PTPRN2: variants seen among roughly 807,000 people sequenced by gnomAD.
PTPRN2 encodes protein tyrosine phosphatase receptor type N2.
PTPRN2 carries 74 observed loss-of-function variants against 118.8 expected under a neutral mutation model. The observed-to-expected ratio is 0.62, with a 90% CI of 0.52 to 0.76. The LOEUF (loss-of-function observed/expected upper bound fraction) is 0.76, where lower values mean the gene tolerates loss of function less well. PTPRN2 is among the 30% of genes least tolerant of loss of function. The probability of loss-of-function intolerance (pLI) is 0.00; values close to 1 mark genes in which losing one functional copy is unlikely to be tolerated. For synonymous variants in PTPRN2, 641 were observed against 608.0 expected, an observed-to-expected ratio of 1.05 and a Z score of -0.80; for missense variants, 1,481 against 1,394.4, an observed-to-expected ratio of 1.06 and a Z score of -0.99.
At chr7:157,943,106 G>A (rs1585059518) in intron 11 of PTPRN2, among the ~76,000 whole-genome samples, 1 of 152,266 alleles carries the variant, frequency 6.6e-6, no homozygotes, top group East Asian at 1.9e-4. Context: ...CATAACTGTA[G>A]CTACCACTAT....
At chr7:157,905,205 C>T (rs542944411) in intron 11 of PTPRN2, among the ~76,000 whole-genome samples, 51 of 152,302 alleles carry the variant, frequency 3.3e-4, no homozygotes, top group African/African-American at 1.1e-3. Flanking sequence ...TCTCAGTGTC[C>T]TTTTGTTCCT....
chr7:158,070,610 CTGG>C (rs1811227943), intron 11 of PTPRN2, among the ~76,000 whole-genome samples: 2 of 93,816 alleles, frequency 2.1e-5, no homozygotes, highest in Non-Finnish European at 2.0e-5. Context: ...GGAGGTGCTC[CTGG>C]TGGTGGAGGT....
intron 12 of PTPRN2, among the ~76,000 whole-genome samples, chr7:157,873,820 C>T (rs1584925670): frequency 6.6e-6 from 1 of 152,198 alleles, no homozygotes; most frequent in African/African-American, 2.4e-5. Flanking sequence ...CACAGGTCAG[C>T]AGGGGGCACC....
chr7:157,976,362 T>A lies in PTPRN2; in HGVS notation c.1724-77625A>T, dbSNP rs546555795. Reference sequence around the variant, plus strand: ...CCTGTGTTGGGCATTCTCCTGCTCCTAGCACCGGCTGGCACTCTCCTCTGT... The same window carrying A: ...CCTGTGTTGGGCATTCTCCTGCTCCAAGCACCGGCTGGCACTCTCCTCTGT... On this transcript the variant is annotated intron_variant, in intron 11 of 22. Transcript: ENST00000389418. Among the ~76,000 whole-genome samples the A allele has an allele frequency of 2.8e-3, 429 of 152,320 alleles. 3 individuals are homozygous for A. Among genetic ancestry groups the A allele is most frequent in the Non-Finnish European group, 3.5e-3 (235 of 68,030 alleles).
intron 15 of PTPRN2, among the ~76,000 whole-genome samples, chr7:157,620,722 T>C (rs1172628716): frequency 6.6e-6 from 1 of 152,168 alleles, no homozygotes; most frequent in Non-Finnish European, 1.5e-5. Flanking sequence ...CACTGGTTCC[T>C]TGTTGGTTGG....
In PTPRN2 at chr7:157,725,346, T is replaced by C. The variant is rs183209379; in HGVS notation, c.1789-42409A>G. On this transcript the variant is annotated intron_variant, in intron 12 of 22. Transcript: ENST00000389418. ...CCTCGCCTCCCAGGAGAACTGGATA[T>C]CTACACACAGAGGAGTGTGGCCAGA... Among the ~76,000 whole-genome samples the C allele has an allele frequency of 3.3e-3, 142 of 42,726 alleles. 7 individuals are homozygous for C. The highest frequency in any genetic ancestry group is 0.01 in the African/African-American group (83 of 8,120). The allele number at this position is 42,726 out of a possible 152,430, so 28.0% of individuals were successfully genotyped here. A position where few individuals can be genotyped will look rare whatever the true frequency, so the allele number is the denominator to read the frequency against.
intron 11 of PTPRN2, among the ~76,000 whole-genome samples, chr7:157,919,912 C>T (rs1798607487): frequency 6.6e-6 from 1 of 152,196 alleles, no homozygotes; most frequent in Admixed American, 6.5e-5. Flanking sequence ...CAAAGCATTA[C>T]CTTTTCTATG....
At chr7:158,461,064 A>G (rs574794164) in intron 2 of PTPRN2, among the ~76,000 whole-genome samples, 2 of 152,360 alleles carry the variant, frequency 1.3e-5, no homozygotes, top group South Asian at 4.1e-4. Context: ...CTTCCTTTCT[A>G]CTATGGAGGA....
intron 1 of PTPRN2, among the ~76,000 whole-genome samples, chr7:158,516,003 C>T (rs961780412): frequency 6.6e-6 from 1 of 152,172 alleles, no homozygotes; most frequent in African/African-American, 2.4e-5. Context: ...TTCACTGTCC[C>T]CCTCCCCACC....
At position 158,191,266 on chromosome 7, in the gene PTPRN2, G is replaced by A. The variant is rs536837044; in HGVS notation, c.549+1061C>T. Among the ~76,000 whole-genome samples the A allele has an allele frequency of 1.4e-4, 22 of 152,326 alleles. No individual in the cohort carries two copies. In the South Asian group the frequency reaches 4.3e-3, roughly 30 times the overall value. The stretch of plus-strand genomic sequence containing the variant: ...ACATATCCCAGGGCCACAGCTCCTG[G>A]TGAGACCCCAGTGGAGTCCAAGAGG... On this transcript the variant is annotated intron_variant, in intron 5 of 22. Coordinates refer to ENST00000389418, the MANE Select transcript of PTPRN2 (RefSeq NM_002847.5).
Position 157,615,022 on chromosome 7 carries a change from C to T in PTPRN2, c.2344+6340G>A, listed in dbSNP as rs1319184797. 6.6e-6 allele frequency among the ~76,000 whole-genome samples: 1 copy of T among 152,150 alleles called. No homozygotes were observed. Among genetic ancestry groups the T allele is most frequent in the Non-Finnish European group, 1.5e-5 (1 of 68,034 alleles). On this transcript the variant is annotated intron_variant, in intron 15 of 22. Transcript: ENST00000389418. The surrounding 1 kb of genome is among the most constrained non-coding windows in gnomAD (Gnocchi z 4.3). ...GGGCTGCAGCTACCTAGGAGAAGGC[C>T]CTTGTATTTAGGACCTGCAGGCAGG...
intron 10 of PTPRN2, among the ~76,000 whole-genome samples, chr7:158,101,088 A>C (rs1239518740): frequency 6.6e-6 from 1 of 152,236 alleles, no homozygotes; most frequent in Non-Finnish European, 1.5e-5. Flanking sequence ...CAAAAAGAAC[A>C]ACCTGGAGGC....
intron 12 of PTPRN2, among the ~76,000 whole-genome samples, chr7:157,852,179 T>C (rs555687731): frequency 1.3e-5 from 2 of 152,366 alleles, no homozygotes; most frequent in East Asian, 3.9e-4. Flanking sequence ...ATGTGGGAAT[T>C]ATTTTGTCAA....
rs1190009891 is a variant in PTPRN2 at position 158,171,302 on chromosome 7, T to TAC, written c.550-4013_550-4012dup. On this transcript the variant is annotated intron_variant, in intron 5 of 22. Transcript: ENST00000389418. ...ACACATATATATACACACATATATATACACACATATATATATATATATATA... is the reference window on the plus strand; with the variant it reads ...ACACATATATATACACACATATATATACACACACATATATATATATATATATA... 2.3e-3 allele frequency among the ~76,000 whole-genome samples: 56 copies of TAC among 24,386 alleles called. 4 individuals carry two copies. The highest frequency in any genetic ancestry group is 5.3e-3 in the South Asian group (4 of 750). 16.0% of individuals were successfully genotyped at this position (24,386 alleles called of 152,430 possible). A position where few individuals can be genotyped will look rare whatever the true frequency, so the allele number is the denominator to read the frequency against.
At chr7:158,124,866 G>A (rs1167051835) in intron 9 of PTPRN2, among the ~76,000 whole-genome samples, 1 of 152,234 alleles carries the variant, frequency 6.6e-6, no homozygotes, top group Non-Finnish European at 1.5e-5. Context: ...GGCCAGATTT[G>A]GTTTTGTCGA....
intron 2 of PTPRN2, among the ~76,000 whole-genome samples, chr7:158,391,129 A>G (rs547194769): frequency 6.6e-6 from 1 of 152,374 alleles, no homozygotes; most frequent in African/African-American, 2.4e-5. Flanking sequence ...GTACAGCTGC[A>G]GGAACAAATA....
chr7:157,807,940 G>A (rs1247780034), intron 12 of PTPRN2, among the ~76,000 whole-genome samples: 1 of 152,198 alleles, frequency 6.6e-6, no homozygotes, highest in African/African-American at 2.4e-5. Flanking sequence ...CCACTTTACA[G>A]ATGAGAAAAC....
intron 12 of PTPRN2, among the ~76,000 whole-genome samples, chr7:157,722,317 G>A (rs887127314): frequency 4.6e-5 from 7 of 152,242 alleles, no homozygotes; most frequent in Admixed American, 1.3e-4. Context: ...GAGTGATCCC[G>A]CCAGGGAGGG....
chr7:157,921,682 C>T (rs534133650), intron 11 of PTPRN2, among the ~76,000 whole-genome samples: 4 of 152,316 alleles, frequency 2.6e-5, no homozygotes, highest in African/African-American at 9.6e-5. Context: ...GCTCATTGGC[C>T]CTTCTTCCAG....
Sources: gnomAD v4.1 joint callset for allele counts (sites outside exome capture counted in the v4.1 genomes callset) on GRCh38, gnomAD v4.1.1 for gene constraint, Gnocchi (gnomAD v3.1) non-coding constraint, MANE v1.5 for transcripts, NCBI Gene and HGNC (gene_info 2026-07-23, HGNC 2026-07-21) for gene names.